The following OSTF1 variants were observed in gnomAD, a reference collection of about 807,000 sequenced individuals.
The protein encoded by OSTF1 is osteoclast-stimulating factor 1.
In OSTF1, 27 loss-of-function variants were observed where a neutral mutation model predicts 37.2. The ratio of observed to expected loss-of-function variants is 0.73; its 90% CI spans 0.54 to 1.00. The LOEUF (loss-of-function observed/expected upper bound fraction) is 1.00. OSTF1 is among the 50% of genes least tolerant of loss of function. The pLI, the probability that OSTF1 is intolerant of heterozygous loss-of-function variation, is 0.00. For missense variants in OSTF1, 232 were observed against 253.8 expected (o/e 0.91, Z 0.58); for synonymous variants, 82 against 89.2 (o/e 0.92, Z 0.46).
At chr9:75,107,204 C>G (rs1406750576) in intron 1 of OSTF1, among the ~76,000 whole-genome samples, 1 of 149,642 alleles carries the variant, frequency 6.7e-6, no homozygotes, top group East Asian at 1.9e-4. Flanking sequence ...ATCCCACGGA[C>G]TCCCCCTGTT....
chr9:75,139,494 T>G (rs1169253831), intron 8 of OSTF1, among the ~76,000 whole-genome samples: 1 of 152,190 alleles, frequency 6.6e-6, no homozygotes, highest in Non-Finnish European at 1.5e-5. Flanking sequence ...AGTGGCGCAA[T>G]CTTGGCTCAT....
chr9:75,139,002 T>C (rs972941132), intron 8 of OSTF1, among the ~76,000 whole-genome samples: 1 of 116,550 alleles, frequency 8.6e-6, no homozygotes, highest in Non-Finnish European at 2.0e-5. Flanking sequence ...GATGCAATAT[T>C]TCTTTGCCTT....
intron 1 of OSTF1, among the ~76,000 whole-genome samples, chr9:75,108,965 AT>A (rs1397249379): frequency 2.0e-5 from 3 of 151,828 alleles, no homozygotes; most frequent in Non-Finnish European, 4.4e-5. Flanking sequence ...GTCTACCGGA[AT>A]TTTAGTAATA....
At chr9:75,138,301 G>T (rs1489186161) in intron 8 of OSTF1, among the ~76,000 whole-genome samples, 1 of 152,162 alleles carries the variant, frequency 6.6e-6, no homozygotes, top group Non-Finnish European at 1.5e-5. Flanking sequence ...GAGCAATATT[G>T]TGGGATATAT....
At chr9:75,137,712 T>C in intron 8 of OSTF1, 96 bp downstream of exon 8, 1 of 778,182 alleles carries the variant, frequency 1.3e-6, no homozygotes, top group African/African-American at 1.7e-5. Context: ...AATAATAGTC[T>C]TATTTCAAAA....
chr9:75,130,807 A>G lies in OSTF1; in HGVS notation c.196+166A>G, dbSNP rs140132647. ...TGTTAATAAACTGGCCATGAACACCAGATGTGCTTGAGCCTGACTCTGTGG... is the reference window on the plus strand; with the variant it reads ...TGTTAATAAACTGGCCATGAACACCGGATGTGCTTGAGCCTGACTCTGTGG... On this transcript the variant is annotated intron_variant, in intron 4 of 9. Coordinates refer to ENST00000346234, the MANE Select transcript of OSTF1 (RefSeq NM_012383.5). 2.8e-3 allele frequency among the ~76,000 whole-genome samples: 421 copies of G among 152,276 alleles called. 4 individuals are homozygous for G. The highest frequency in any genetic ancestry group is 9.4e-3 in the African/African-American group (389 of 41,558).
At chr9:75,139,057 T>TCC (rs1554774439) in intron 8 of OSTF1, among the ~76,000 whole-genome samples, 2 of 138,516 alleles carry the variant, frequency 1.4e-5, no homozygotes, top group African/African-American at 6.1e-5. Flanking sequence ...TTTCTTTCTT[T>TCC]TTTTTTTGAA....
At chr9:75,139,054 C>CTTTCTTTCTTTCT (rs1465270702) in intron 8 of OSTF1, among the ~76,000 whole-genome samples, 3 of 109,512 alleles carry the variant, frequency 2.7e-5, no homozygotes, top group African/African-American at 1.1e-4. Context: ...TTCTTTCTTT[C>CTTTCTTTCTTTCT]TTTTTTTTTT....
chr9:75,139,048 T>TTCTTTCTTTCTTTCTTTCTTTCTTTCTC (rs1564169788), intron 8 of OSTF1, among the ~76,000 whole-genome samples: 1 of 144,526 alleles, frequency 6.9e-6, no homozygotes, highest in Non-Finnish European at 1.5e-5. Context: ...CTTTCTTTCT[T>TTCTTTCTTTCTTTCTTTCTTTCTTTCTC]TCTTTCTTTT....
At chr9:75,126,349 A>G (rs76678875) in intron 2 of OSTF1, among the ~76,000 whole-genome samples, 7,277 of 152,304 alleles carry the variant, frequency 0.048, 225 homozygotes, top group Middle Eastern at 0.078. Context: ...TCATGACAGA[A>G]TTTGGAAATT....
intron 2 of OSTF1, among the ~76,000 whole-genome samples, chr9:75,120,726 A>G (rs768128098): frequency 1.3e-5 from 2 of 152,128 alleles, no homozygotes; most frequent in Non-Finnish European, 2.9e-5. Flanking sequence ...GCTTCCACCA[A>G]CTGCTTCAAC....
Position 75,111,811 on chromosome 9 carries a change from CTTTTTTTTTTTTTTTTT to C in OSTF1, c.35-5679_35-5663del, listed in dbSNP as rs535464490. On this transcript the variant is annotated intron_variant, in intron 1 of 9. Coordinates refer to ENST00000346234, the MANE Select transcript of OSTF1 (RefSeq NM_012383.5). ...TGGTGATCTATTAAGATGTTTACTGCTTTTTTTTTTTTTTTTTTTTTTTTTTTTTTGAGGCGGAGTTT... is the reference window on the plus strand; with the variant it reads ...TGGTGATCTATTAAGATGTTTACTGCTTTTTTTTTTTTTGAGGCGGAGTTT... Among the ~76,000 whole-genome samples, 8 of 52,114 alleles carry C rather than the reference CTTTTTTTTTTTTTTTTT, an allele frequency of 1.5e-4. No individual in the cohort carries two copies. In the East Asian group the frequency reaches 4.0e-3, roughly 26 times the overall value. The allele number at this position is 52,114 out of a possible 152,430, so 34.2% of individuals were successfully genotyped here. A position where few individuals can be genotyped will look rare whatever the true frequency, so the allele number is the denominator to read the frequency against.
chr9:75,128,379 TATATATATATATATATATATATA>T (rs1564164907), intron 3 of OSTF1, among the ~76,000 whole-genome samples: 1 of 87,882 alleles, frequency 1.1e-5, no homozygotes, highest in African/African-American at 4.9e-5. Flanking sequence ...TATATATATA[TATATATATATATATATATATATA>T]TATATTTTGT....
chr9:75,107,594 T>C (rs79575836), intron 1 of OSTF1, among the ~76,000 whole-genome samples: 5 of 152,242 alleles, frequency 3.3e-5, no homozygotes, highest in Admixed American at 2.6e-4. Flanking sequence ...TAGAGTCCTG[T>C]AACAATTCCT....
At chr9:75,144,465 T>C (rs1825990093) in intron 9 of OSTF1, among the ~76,000 whole-genome samples, 1 of 152,120 alleles carries the variant, frequency 6.6e-6, no homozygotes, top group African/African-American at 2.4e-5. Flanking sequence ...GGTGGGAGGA[T>C]CACTTGAGTC....
At chr9:75,095,879 T>G (rs1422792259) in intron 1 of OSTF1, among the ~76,000 whole-genome samples, 4 of 151,408 alleles carry the variant, frequency 2.6e-5, no homozygotes, top group Admixed American at 6.6e-5. Context: ...GTTATTGGTG[T>G]GACTGCTGTG....
At position 75,100,888 on chromosome 9, in the gene OSTF1, G is replaced by T. The variant is rs1008034475; in HGVS notation, c.34+12162G>T. Among the ~76,000 whole-genome samples, 4 of 152,246 alleles carry T rather than the reference G, an allele frequency of 2.6e-5. No individual in the cohort carries two copies. In the East Asian group the frequency reaches 7.7e-4, roughly 29 times the overall value. On this transcript the variant is annotated intron_variant, in intron 1 of 9. Coordinates refer to ENST00000346234, the MANE Select transcript of OSTF1 (RefSeq NM_012383.5). ...GGGGGATTTCGGCGAGAATGGTCCT[G>T]TAATTTACCGTATTTTAATTACAGC...
At chr9:75,093,809 C>G (rs1825024934) in intron 1 of OSTF1, among the ~76,000 whole-genome samples, 4 of 152,158 alleles carry the variant, frequency 2.6e-5, no homozygotes, top group Admixed American at 1.3e-4. Flanking sequence ...CTTTTATAAA[C>G]TTGATACTTT....
At position 75,137,635 on chromosome 9, in the gene OSTF1, T is replaced by G. The variant is rs376999083; in HGVS notation, c.487+19T>G. On this transcript the variant is annotated intron_variant, in intron 8 of 9. Transcript: ENST00000346234. ...GCAAAAGGTAAAGTTTGTGCTGAGTTTATCTGGTCTTTGCTTGCCCTGAAA... is the reference window on the plus strand; with the variant it reads ...GCAAAAGGTAAAGTTTGTGCTGAGTGTATCTGGTCTTTGCTTGCCCTGAAA... 1.5e-5 allele frequency: 23 copies of G among 1,520,500 alleles called. No individual in the cohort carries two copies. The highest frequency in any genetic ancestry group is 2.1e-5 in the Non-Finnish European group (23 of 1,094,550). The allele number at this position is 1,520,500 out of a possible 1,614,324, so 94.2% of individuals were successfully genotyped here.
Sources: gnomAD v4.1 joint callset for allele counts (sites outside exome capture counted in the v4.1 genomes callset) on GRCh38, gnomAD v4.1.1 for gene constraint, MANE v1.5 for transcripts, NCBI Gene and HGNC (gene_info 2026-07-23, HGNC 2026-07-21) for gene names.